Variants in DNAH17 observed in about 807,000 individuals in gnomAD.
The protein encoded by DNAH17 is axonemal beta dynein heavy chain 17.
DNAH17 carries 376 observed loss-of-function variants against 485.6 expected under a neutral mutation model. That is an observed-to-expected ratio of 0.77 (90% CI 0.71 to 0.84). The LOEUF (loss-of-function observed/expected upper bound fraction) is 0.84, where lower values mean the gene tolerates loss of function less well. Among genes scored for constraint, DNAH17 ranks in the 40% least tolerant of loss-of-function variants. The probability of loss-of-function intolerance (pLI) is 0.00; values close to 1 mark genes in which losing one functional copy is unlikely to be tolerated. For missense variants in DNAH17, 6,370 were observed against 5,839.3 expected, an observed-to-expected ratio of 1.09 and a Z score of -2.96; for synonymous variants, 3,031 against 2,405.9, an observed-to-expected ratio of 1.26 and a Z score of -7.60.
intron 58 of DNAH17, among the ~76,000 whole-genome samples, chr17:78,461,108 G>A (rs772851115): frequency 1.3e-5 from 2 of 151,278 alleles, no homozygotes; most frequent in Non-Finnish European, 2.9e-5. Context: ...GGCCAGTAAC[G>A]TCCTACCCTC....
rs1317135753 is a variant in DNAH17 at position 78,506,064 on chromosome 17, G to A, written c.4804-619C>T. 2.0e-5 allele frequency among the ~76,000 whole-genome samples: 3 copies of A among 151,822 alleles called. 1 individual carries two copies. Among genetic ancestry groups the A allele is most frequent in the African/African-American group, 4.8e-5 (2 of 41,302 alleles). On this transcript the variant is annotated intron_variant, in intron 30 of 80. Transcript: ENST00000389840. ...CAAGCCACACACTCAGTCTATTCTT[G>A]CATATCCCTTCTTCTTGTGTAACCT...
At chr17:78,556,833 C>T (rs1292590485) in intron 14 of DNAH17, among the ~76,000 whole-genome samples, 1 of 152,140 alleles carries the variant, frequency 6.6e-6, no homozygotes, top group Non-Finnish European at 1.5e-5. Flanking sequence ...AATTGACTCA[C>T]GTTTAAAAAG....
At position 78,428,513 on chromosome 17, in the gene DNAH17, C is replaced by A; in HGVS notation, c.12588+12G>T. The A allele has an allele frequency of 6.3e-7, 1 of 1,584,630 alleles. No individual in the cohort carries two copies. Among genetic ancestry groups the A allele is most frequent in the Non-Finnish European group, 8.6e-7 (1 of 1,165,616 alleles). ...CCTTCCTCTCGCTTGGGAGCAGTTT[C>A]AAAGATCCTGCCTTCTCCTCGCGGG... On this transcript the variant is annotated intron_variant, in intron 77 of 80. Coordinates refer to ENST00000389840, the MANE Select transcript of DNAH17 (RefSeq NM_173628.4).
chr17:78,550,579 C>A (rs558614176), intron 16 of DNAH17, among the ~76,000 whole-genome samples: 49 of 152,140 alleles, frequency 3.2e-4, no homozygotes, highest in Admixed American at 4.6e-4. Context: ...CCCTGTGAAG[C>A]CACAGGGAGA....
intron 25 of DNAH17, among the ~76,000 whole-genome samples, chr17:78,524,646 G>A (rs553302360): frequency 2.0e-5 from 3 of 152,138 alleles, no homozygotes; most frequent in African/African-American, 7.2e-5. Flanking sequence ...GAGTTTATGG[G>A]ATTTTGTTAG....
intron 69 of DNAH17, 26 bp from the exon 70 acceptor site, chr17:78,445,706 C>T (rs1333188672): frequency 1.9e-6 from 3 of 1,582,778 alleles, no homozygotes; most frequent in Non-Finnish European, 2.6e-6. Context: ...GGTGTACACA[C>T]TTAACGCAGC....
chr17:78,482,229 G>A (rs2089382565), intron 48 of DNAH17, among the ~76,000 whole-genome samples: 1 of 151,832 alleles, frequency 6.6e-6, no homozygotes, highest in Non-Finnish European at 1.5e-5. Flanking sequence ...AGTTTTTGTA[G>A]AGACAGGGTC....
intron 27 of DNAH17, among the ~76,000 whole-genome samples, chr17:78,508,424 A>C (rs1263209542): frequency 1.3e-5 from 2 of 152,254 alleles, no homozygotes; most frequent in African/African-American, 4.8e-5. Flanking sequence ...CGCTTTCTGC[A>C]ACTCAGTACT....
At chr17:78,480,513 C>T (rs2089303187) in intron 49 of DNAH17, among the ~76,000 whole-genome samples, 171 bp downstream of exon 49, 1 of 152,218 alleles carries the variant, frequency 6.6e-6, no homozygotes, top group Non-Finnish European at 1.5e-5. Context: ...GCTAGCTGCT[C>T]ATCCTCTCCA....
chr17:78,530,151 GATA>G (rs1391006397), intron 21 of DNAH17, among the ~76,000 whole-genome samples, 189 bp downstream of exon 21: 2 of 152,230 alleles, frequency 1.3e-5, no homozygotes, highest in Non-Finnish European at 2.9e-5. Flanking sequence ...TTGGAGAAGG[GATA>G]ATGTTTGCTC....
intron 17 of DNAH17, among the ~76,000 whole-genome samples, chr17:78,542,553 C>A (rs543846731): frequency 6.6e-6 from 1 of 152,326 alleles, no homozygotes; most frequent in African/African-American, 2.4e-5. Flanking sequence ...GGTGAAATTA[C>A]TACCAAGTGA....
In DNAH17 at chr17:78,570,901, G is replaced by C. The variant is rs374708969; in HGVS notation, c.918+47C>G. The stretch of plus-strand genomic sequence containing the variant: ...AAAGAAAAAAGAAAAGAAAAGAAAA[G>C]AAACAAGACCCTCCCCACCAAAGCC... On this transcript the variant is annotated intron_variant, in intron 6 of 80. Coordinates refer to ENST00000389840, the MANE Select transcript of DNAH17 (RefSeq NM_173628.4). 1,331 of 715,178 alleles carry C rather than the reference G, an allele frequency of 1.9e-3. 22 individuals are homozygous for C. In the African/African-American group the frequency reaches 0.027, roughly 15 times the overall value. The allele number at this position is 715,178 out of a possible 1,614,324, so 44.3% of individuals were successfully genotyped here.
chr17:78,520,819 C>T lies in DNAH17; in HGVS notation c.3864+4190G>A, dbSNP rs564384463. Among the ~76,000 whole-genome samples, 6 of 152,238 alleles carry T rather than the reference C, an allele frequency of 3.9e-5. No homozygotes were observed. The South Asian group carries it at 1.0e-3, about 26-fold the overall frequency. Reference sequence around the variant, plus strand: ...TCTCCAAATTGATTAATAGTTTTAACGCAATTCCTATAAAAACCCCAATAA... The same window carrying T: ...TCTCCAAATTGATTAATAGTTTTAATGCAATTCCTATAAAAACCCCAATAA... On this transcript the variant is annotated intron_variant, in intron 25 of 80. Transcript: ENST00000389840.
At chr17:78,478,130 G>A (rs560915387) in intron 51 of DNAH17, among the ~76,000 whole-genome samples, 1 of 135,166 alleles carries the variant, frequency 7.4e-6, no homozygotes, top group Admixed American at 7.6e-5. Context: ...ACCACCACGT[G>A]GCATCATCAC....
At position 78,501,511 on chromosome 17, in the gene DNAH17, G is replaced by C. The variant is rs561724509; in HGVS notation, c.5323-167C>G. ...TCCAACTGTATGGCCACCCTCAGTGGAATCTCGCTACAGAATGGCACTTCC... is the reference window on the plus strand; with the variant it reads ...TCCAACTGTATGGCCACCCTCAGTGCAATCTCGCTACAGAATGGCACTTCC... On this transcript the variant is annotated intron_variant, in intron 34 of 80. Coordinates refer to ENST00000389840, the MANE Select transcript of DNAH17 (RefSeq NM_173628.4). The C allele has an allele frequency of 4.3e-5, 43 of 997,872 alleles. No homozygotes were observed. In the South Asian group the frequency reaches 5.9e-4, roughly 14 times the overall value. The allele number at this position is 997,872 out of a possible 1,614,324, so 61.8% of individuals were successfully genotyped here.
chr17:78,554,541 G>A lies in DNAH17; in HGVS notation c.2179-1736C>T, dbSNP rs78726904. On this transcript the variant is annotated intron_variant, in intron 14 of 80. Transcript: ENST00000389840. ...AAATTAATTTAATGCTTGAAATCCT[G>A]AATTTACAAAACAGAACAAACAAGG... is the stretch of plus-strand genomic sequence containing the variant. 6.7e-3 allele frequency among the ~76,000 whole-genome samples: 958 copies of A among 142,228 alleles called. 13 individuals are homozygous for A. Among genetic ancestry groups the A allele is most frequent in the African/African-American group, 0.024 (916 of 38,856 alleles). The allele number at this position is 142,228 out of a possible 152,430, so 93.3% of individuals were successfully genotyped here. A position where few individuals can be genotyped will look rare whatever the true frequency, so the allele number is the denominator to read the frequency against.
At chr17:78,495,304 A>C (rs1238613381) in intron 38 of DNAH17, among the ~76,000 whole-genome samples, 2 of 152,036 alleles carry the variant, frequency 1.3e-5, no homozygotes, top group African/African-American at 4.8e-5. Flanking sequence ...GTGCACCTTC[A>C]GGGCCCCTCC....
Position 78,444,648 on chromosome 17 carries a change from G to A in DNAH17, c.11484C>T (p.Cys3828=), listed in dbSNP as rs1380047668. The A allele has an allele frequency of 1.2e-6, 2 of 1,603,826 alleles. No individual in the cohort carries two copies. The highest frequency in any genetic ancestry group is 1.3e-5 in the African/African-American group (1 of 74,810). Residue 3828 remains cysteine (C), a synonymous_variant, in exon 71 of 81, where the codon TGC becomes TGT. Coordinates refer to ENST00000389840, the MANE Select transcript of DNAH17 (RefSeq NM_173628.4). ...WKNKTALQKL[C]MVRCLRPDRM... is the part of the protein sequence containing the mutation. The stretch of plus-strand genomic sequence containing the variant: ...GATCTGGCCGCAGGCAGCGCACCAT[G>A]CACAGCTTCTGCAGGGCCGTCTTGT...
chr17:78,429,136 G>T lies in DNAH17; in HGVS notation c.12390C>A (p.Pro4130=), dbSNP rs1474007835. The T allele has an allele frequency of 6.2e-7, 1 of 1,613,124 alleles. No homozygotes were observed. The highest frequency in any genetic ancestry group is 1.1e-5 in the South Asian group (1 of 91,044). Residue 4130 remains proline, a synonymous_variant, in exon 76 of 81, where the codon CCC becomes CCA. Transcript: ENST00000389840. ...VLLAPGFQIP[P]NLDYKGYHEY... is the part of the protein sequence containing the mutation. ...TCATCCTTACCTTGTAGTCCAGGTTGGGGGGGATCTGAAAGCCGGGGGCCA... is the reference window on the plus strand; with the variant it reads ...TCATCCTTACCTTGTAGTCCAGGTTTGGGGGGATCTGAAAGCCGGGGGCCA...
Sources: gnomAD v4.1 joint callset for allele counts (sites outside exome capture counted in the v4.1 genomes callset) on GRCh38, gnomAD v4.1.1 for gene constraint, MANE v1.5 for transcripts, NCBI Gene and HGNC (gene_info 2026-07-23, HGNC 2026-07-21) for gene names.